MRPS31: variants seen among roughly 807,000 people sequenced by gnomAD.
The protein encoded by MRPS31 is mitochondrial ribosomal protein S31, also known as small ribosomal subunit protein mS31.
Under a neutral mutation model 43.1 loss-of-function variants are expected in MRPS31, and 32 were observed. The ratio of observed to expected loss-of-function variants is 0.74; its 90% CI spans 0.56 to 1.00. The LOEUF (loss-of-function observed/expected upper bound fraction) is 1.00, where lower values mean the gene tolerates loss of function less well. Among genes scored for constraint, MRPS31 ranks in the 50% least tolerant of loss-of-function variants. The pLI, the probability that MRPS31 is intolerant of heterozygous loss-of-function variation, is 0.00. For synonymous variants in MRPS31, 165 were observed against 161.6 expected (o/e 1.02, Z -0.16); for missense variants, 437 against 466.7 (o/e 0.94, Z 0.59).
intron 6 of MRPS31, among the ~76,000 whole-genome samples, chr13:40,744,189 G>A (rs1275822149): frequency 6.6e-6 from 1 of 152,170 alleles, no homozygotes; most frequent in Non-Finnish European, 1.5e-5. Flanking sequence ...ACAGACACTG[G>A]GGCCTATTTG....
rs748540430 is a variant in MRPS31, at chr13:40,731,973, A to C, written c.959-2372T>G. 1.4e-4 allele frequency among the ~76,000 whole-genome samples: 22 copies of C among 152,334 alleles called. 1 individual carries two copies. Among genetic ancestry groups the C allele is most frequent in the South Asian group, 1.0e-3 (5 of 4,822 alleles). ...AGTGGTACTGGCACATATAATGCAA[A>C]GGAAAAAAAAAGAGAGCAATAAAGA... On this transcript the variant is annotated intron_variant, in intron 6 of 6. Transcript: ENST00000323563.
intron 6 of MRPS31, among the ~76,000 whole-genome samples, chr13:40,736,659 G>A (rs1407018672): frequency 6.6e-6 from 1 of 150,498 alleles, no homozygotes; most frequent in South Asian, 2.1e-4. Context: ...TTTCAACCCA[G>A]AATTTCATAT....
intron 6 of MRPS31, among the ~76,000 whole-genome samples, chr13:40,741,213 T>G (rs1359325461): frequency 2.6e-5 from 4 of 152,136 alleles, no homozygotes; most frequent in African/African-American, 9.6e-5. Flanking sequence ...TAAAAAGAAC[T>G]GCTTTATAAG....
chr13:40,735,360 G>T (rs1236156722), intron 6 of MRPS31, among the ~76,000 whole-genome samples: 1 of 152,206 alleles, frequency 6.6e-6, no homozygotes, highest in Non-Finnish European at 1.5e-5. Flanking sequence ...CGGGAGGGGC[G>T]CCCACCATTG....
In MRPS31 at chr13:40,758,935, T is replaced by G; in HGVS notation, c.599+13A>C. On this transcript the variant is annotated intron_variant, in intron 3 of 6. Coordinates refer to ENST00000323563, the MANE Select transcript of MRPS31 (RefSeq NM_005830.4). ...ATATAAACATTACTGACTTAAGGGTTTGATTCACTCACCTAATTTTAGGTC... is the reference window on the plus strand; with the variant it reads ...ATATAAACATTACTGACTTAAGGGTGTGATTCACTCACCTAATTTTAGGTC... 6.4e-7 allele frequency: 1 copy of G among 1,559,424 alleles called. No individual in the cohort carries two copies. Among genetic ancestry groups the G allele is most frequent in the Non-Finnish European group, 8.7e-7 (1 of 1,155,952 alleles).
At chr13:40,731,189 G>A (rs965548941) in intron 6 of MRPS31, 29 of 152,060 alleles carry the variant, frequency 1.9e-4, no homozygotes, top group African/African-American at 6.3e-4. Flanking sequence ...GGGAGGTCGA[G>A]GCTGTAGTGA....
intron 1 of MRPS31, among the ~76,000 whole-genome samples, chr13:40,769,422 T>TATATATA (rs1880947259): frequency 1.1e-5 from 1 of 89,282 alleles, no homozygotes; most frequent in Admixed American, 1.4e-4. Flanking sequence ...ATATATATAT[T>TATATATA]ATCAAGTTCT....
At chr13:40,731,122 C>G (rs1593439388) in intron 6 of MRPS31, 1 of 152,168 alleles carries the variant, frequency 6.6e-6, no homozygotes, top group East Asian at 1.9e-4. Context: ...GGTGTGGTGG[C>G]ACATGCCTGT....
At chr13:40,757,198 TTA>T (rs1325816908) in intron 3 of MRPS31, among the ~76,000 whole-genome samples, 185 bp from the exon 4 acceptor site, 2 of 152,196 alleles carry the variant, frequency 1.3e-5, no homozygotes, top group Non-Finnish European at 2.9e-5. Flanking sequence ...ACATTACAAT[TTA>T]TGTTTACTTT....
intron 6 of MRPS31, among the ~76,000 whole-genome samples, chr13:40,736,476 T>C (rs1879912075): frequency 6.8e-6 from 1 of 146,244 alleles, no homozygotes; most frequent in African/African-American, 2.6e-5. Context: ...AGACACATAA[T>C]TGTCAGATTC....
In MRPS31 at chr13:40,770,808, G is replaced by T. The variant is rs1880985015; in HGVS notation, c.152+177C>A. On this transcript the variant is annotated intron_variant, in intron 1 of 6. Coordinates refer to ENST00000323563, the MANE Select transcript of MRPS31 (RefSeq NM_005830.4). ...GTAGTAGAGCACAGCGACCAGGTTT[G>T]TAATCGTAGCTCTGTTTTCACGCAC... is the stretch of plus-strand genomic sequence containing the variant. 7 of 733,884 alleles carry T rather than the reference G, an allele frequency of 9.5e-6. No individual in the cohort carries two copies. The South Asian group carries it at 1.1e-4, about 11-fold the overall frequency. The allele number at this position is 733,884 out of a possible 1,614,324, so 45.5% of individuals were successfully genotyped here.
At chr13:40,747,238 C>A (rs980125124) in intron 6 of MRPS31, among the ~76,000 whole-genome samples, 1 of 152,006 alleles carries the variant, frequency 6.6e-6, no homozygotes, top group African/African-American at 2.4e-5. Context: ...GCCACTGTGC[C>A]CGGCCTAATA....
In MRPS31 at chr13:40,771,037, G is replaced by A. The variant is rs1880994328; in HGVS notation, c.100C>T (p.Leu34Phe). 6.2e-7 allele frequency: 1 copy of A among 1,614,204 alleles called. No individual in the cohort carries two copies. Reference protein sequence around the residue: ...PETSAAAIMLLTVRHGTVRYR... With the variant: ...PETSAAAIMLFTVRHGTVRYR... Reference sequence around the variant, plus strand: ...CTGACTGTTCCGTGCCGAACAGTGAGTAGCATAATCGCAGCCGCTGATGTC... The same window carrying A: ...CTGACTGTTCCGTGCCGAACAGTGAATAGCATAATCGCAGCCGCTGATGTC... The change falls in exon 1 of 7, where the codon CTC becomes TTC. Residue 34 changes from leucine to phenylalanine, a missense_variant. By Grantham distance (22) the Leu-to-Phe change is conservative. Transcript: ENST00000323563.
intron 1 of MRPS31, among the ~76,000 whole-genome samples, chr13:40,767,717 A>G (rs919459298): frequency 5.3e-5 from 8 of 152,236 alleles, no homozygotes; most frequent in African/African-American, 1.9e-4. Flanking sequence ...TTGGGTAGAA[A>G]AACACTGACA....
At chr13:40,730,034 G>A (rs1879633748) in intron 6 of MRPS31, among the ~76,000 whole-genome samples, 2 of 151,644 alleles carry the variant, frequency 1.3e-5, no homozygotes, top group South Asian at 4.2e-4. Context: ...CTGGCCCGGA[G>A]TTAGATCTAA....
At chr13:40,751,644 G>A (rs1297802467) in intron 5 of MRPS31, among the ~76,000 whole-genome samples, 1 of 152,164 alleles carries the variant, frequency 6.6e-6, no homozygotes, top group Non-Finnish European at 1.5e-5. Flanking sequence ...AAAAATTACT[G>A]AATGCCAACT....
rs777659296 is a variant in MRPS31, at chr13:40,740,547, CAAT to C, written c.958+8588_958+8590del. On this transcript the variant is annotated intron_variant, in intron 6 of 6. Transcript: ENST00000323563. ...GCTTGGAACCAACCCAAATGTCCAACAATGATAGACTGGATTAAGAAAATGTGG... is the reference window on the plus strand; with the variant it reads ...GCTTGGAACCAACCCAAATGTCCAACGATAGACTGGATTAAGAAAATGTGG... 4.7e-4 allele frequency among the ~76,000 whole-genome samples: 65 copies of C among 137,568 alleles called. 1 individual carries two copies. In the East Asian group the frequency reaches 0.014, roughly 30 times the overall value. The allele number at this position is 137,568 out of a possible 152,430, so 90.2% of individuals were successfully genotyped here.
intron 5 of MRPS31, among the ~76,000 whole-genome samples, chr13:40,750,771 TATTACA>T (rs1426035691): frequency 1.4e-5 from 2 of 141,000 alleles, no homozygotes; most frequent in Non-Finnish European, 3.1e-5. Flanking sequence ...TATATATATA[TATTACA>T]TATATATGTA....
intron 6 of MRPS31, among the ~76,000 whole-genome samples, chr13:40,735,309 A>C (rs1014533901): frequency 6.6e-6 from 1 of 152,208 alleles, no homozygotes; most frequent in African/African-American, 2.4e-5. Context: ...GATTGCTAGC[A>C]CAGCAGTCTG....
Sources: gnomAD v4.1 joint callset for allele counts (sites outside exome capture counted in the v4.1 genomes callset) on GRCh38, gnomAD v4.1.1 for gene constraint, MANE v1.5 for transcripts, NCBI Gene and HGNC (gene_info 2026-07-23, HGNC 2026-07-21) for gene names.